The following CBL variants were observed in gnomAD, a reference collection of about 807,000 sequenced individuals.
CBL encodes Cbl proto-oncogene, also known as E3 ubiquitin-protein ligase CBL.
In CBL, 45 loss-of-function variants were observed where a neutral mutation model predicts 96.9. The ratio of observed to expected loss-of-function variants is 0.46; its 90% CI spans 0.37 to 0.60. The LOEUF (loss-of-function observed/expected upper bound fraction) is 0.60, where lower values mean the gene tolerates loss of function less well. Ranked by LOEUF, CBL falls within the 20% of genes least tolerant of loss-of-function variation. The pLI is 0.00. For synonymous variants in CBL, 420 were observed against 426.8 expected (o/e 0.98, Z 0.20); for missense variants, 1,024 against 1,143.5 (o/e 0.90, Z 1.51).
chr11:119,236,588 C>A (rs1270547179), intron 2 of CBL, among the ~76,000 whole-genome samples: 1 of 119,116 alleles, frequency 8.4e-6, no homozygotes, highest in African/African-American at 3.5e-5. Flanking sequence ...GTTTTCACTT[C>A]TTTTGAGTAT....
intron 2 of CBL, among the ~76,000 whole-genome samples, chr11:119,261,485 T>A (rs1197607570): frequency 6.6e-6 from 1 of 152,200 alleles, no homozygotes; most frequent in Non-Finnish European, 1.5e-5. Flanking sequence ...CTCAGTATAA[T>A]TTGTATCTGT....
At chr11:119,293,751 AAAG>A (rs1950045570) in intron 12 of CBL, among the ~76,000 whole-genome samples, 1 of 152,194 alleles carries the variant, frequency 6.6e-6, no homozygotes, top group Admixed American at 6.5e-5. Context: ...TCTATAAAGA[AAAG>A]AAGTTTATTT....
At chr11:119,267,475 G>T (rs1321264710) in intron 2 of CBL, among the ~76,000 whole-genome samples, 2 of 152,128 alleles carry the variant, frequency 1.3e-5, no homozygotes, top group Non-Finnish European at 2.9e-5. Flanking sequence ...AAGAGCCAAA[G>T]ATAACCAGCA....
rs115480973 is a variant in CBL at position 119,288,250 on chromosome 11, A to G, written c.2036+304A>G. On this transcript the variant is annotated intron_variant, in intron 12 of 15. Coordinates refer to ENST00000264033, the MANE Select transcript of CBL (RefSeq NM_005188.4). ...ATTCTTCCAGCTTTCTTTAAGTTTAATTTGCTGTTTTCCTAGCTTCATGAA... is the reference window on the plus strand; with the variant it reads ...ATTCTTCCAGCTTTCTTTAAGTTTAGTTTGCTGTTTTCCTAGCTTCATGAA... 5.9e-3 allele frequency among the ~76,000 whole-genome samples: 891 copies of G among 152,102 alleles called. 8 individuals carry two copies. Among genetic ancestry groups the G allele is most frequent in the African/African-American group, 0.02 (831 of 41,474 alleles).
At position 119,300,908 on chromosome 11, in the gene CBL, G is replaced by A; in HGVS notation, c.*1127G>A. The A allele has an allele frequency of 3.9e-6, 1 of 259,402 alleles. No homozygotes were observed. Among genetic ancestry groups the A allele is most frequent in the Non-Finnish European group, 7.3e-6 (1 of 136,132 alleles). The allele number at this position is 259,402 out of a possible 1,614,324, so 16.1% of individuals were successfully genotyped here. A position where few individuals can be genotyped will look rare whatever the true frequency, so the allele number is the denominator to read the frequency against. On this transcript the variant is annotated 3_prime_UTR_variant, in exon 16 of 16. Transcript: ENST00000264033. ...CAAAATAGACAGTAAGGATTTATCTGTTCAGTTTTTCTTCCCAGTGAATTA... is the reference window on the plus strand; with the variant it reads ...CAAAATAGACAGTAAGGATTTATCTATTCAGTTTTTCTTCCCAGTGAATTA...
In CBL at chr11:119,284,971, G is replaced by A; in HGVS notation, c.1434G>A (p.Val478=). 1 of 1,614,074 alleles carries A rather than the reference G, an allele frequency of 6.2e-7. No individual in the cohort carries two copies. The highest frequency in any genetic ancestry group is 8.5e-7 in the Non-Finnish European group (1 of 1,180,008). The change falls in exon 10 of 16, where the codon GTG becomes GTA. Residue 478 remains valine (V), a splice_region_variant and synonymous_variant. Transcript: ENST00000264033. ...GTTAAATTTTTTATGTACCCTAGGTGGAACGGCCGCCTTCTCCATTCTCCA... is the reference window on the plus strand; with the variant it reads ...GTTAAATTTTTTATGTACCCTAGGTAGAACGGCCGCCTTCTCCATTCTCCA... ...FMMKELAGAK[V]ERPPSPFSMA...
In CBL at chr11:119,225,700, G is replaced by A. The variant is rs192001123; in HGVS notation, c.196-6748G>A. Reference sequence around the variant, plus strand: ...TCTGGGATTACAGATGTAAGACACCGTATCCAGCCAATATAAATATTTTCT... The same window carrying A: ...TCTGGGATTACAGATGTAAGACACCATATCCAGCCAATATAAATATTTTCT... On this transcript the variant is annotated intron_variant, in intron 1 of 15. Coordinates refer to ENST00000264033, the MANE Select transcript of CBL (RefSeq NM_005188.4). 5.9e-4 allele frequency among the ~76,000 whole-genome samples: 87 copies of A among 147,834 alleles called. 1 individual carries two copies. The East Asian group carries it at 0.013, about 22-fold the overall frequency.
At position 119,214,068 on chromosome 11, in the gene CBL, C is replaced by T. The variant is rs896059914; in HGVS notation, c.195+7456C>T. On this transcript the variant is annotated intron_variant, in intron 1 of 15. Coordinates refer to ENST00000264033, the MANE Select transcript of CBL (RefSeq NM_005188.4). The stretch of plus-strand genomic sequence containing the variant: ...CAGGCAATTTTGTTGCCTCAGCCTC[C>T]TGAGTAGCTGGGACTACAGGTGTGT... Among the ~76,000 whole-genome samples the T allele has an allele frequency of 2.6e-5, 4 of 152,152 alleles. No homozygotes were observed. The East Asian group carries it at 7.7e-4, about 29-fold the overall frequency.
intron 5 of CBL, 98 bp downstream of exon 5, chr11:119,275,051 T>C (rs1949878079): frequency 7.8e-7 from 1 of 1,278,704 alleles, no homozygotes; most frequent in Non-Finnish European, 1.1e-6. Flanking sequence ...AGTTTCGCAA[T>C]AGCCAAGGTT....
At chr11:119,299,362 C>A (rs1950084009) in intron 15 of CBL, 133 bp from the exon 16 acceptor site, 2 of 796,836 alleles carry the variant, frequency 2.5e-6, no homozygotes, top group African/African-American at 1.7e-5. Context: ...TAAAACCCAG[C>A]CTTGTGACTG....
intron 2 of CBL, among the ~76,000 whole-genome samples, chr11:119,238,223 A>ATT (rs1462334985): frequency 7.8e-6 from 1 of 128,462 alleles, no homozygotes. Flanking sequence ...CCCAAATACA[A>ATT]TTTTTTTTTT....
intron 12 of CBL, among the ~76,000 whole-genome samples, chr11:119,296,278 G>T (rs890395974): frequency 6.6e-6 from 1 of 152,146 alleles, no homozygotes; most frequent in East Asian, 1.9e-4. Flanking sequence ...CTACAATTTA[G>T]TGGGGTGTTT....
chr11:119,298,098 G>T (rs1476826228), intron 14 of CBL, among the ~76,000 whole-genome samples: 1 of 152,216 alleles, frequency 6.6e-6, no homozygotes, highest in Non-Finnish European at 1.5e-5. Context: ...GATGACACTG[G>T]AGTCATTGGC....
chr11:119,292,716 G>A (rs554582893), intron 12 of CBL, among the ~76,000 whole-genome samples: 3 of 152,134 alleles, frequency 2.0e-5, no homozygotes, highest in Admixed American at 6.5e-5. Flanking sequence ...CACTGCGCCC[G>A]GCCTATTTTC....
chr11:119,238,194 A>G (rs1310626128), intron 2 of CBL, among the ~76,000 whole-genome samples: 1 of 147,236 alleles, frequency 6.8e-6, no homozygotes, highest in East Asian at 2.1e-4. Flanking sequence ...TGAATTTAGA[A>G]TCAGCCTGTC....
intron 7 of CBL, 96 bp downstream of exon 7, chr11:119,277,940 T>C: frequency 1.0e-6 from 1 of 962,858 alleles, no homozygotes; most frequent in Non-Finnish European, 1.7e-6. Flanking sequence ...TTGGAACCCA[T>C]TGACTAGATT....
At position 119,299,712 on chromosome 11, in the gene CBL, C is replaced by T. The variant is rs879302360; in HGVS notation, c.2652C>T (p.Asn884=). The T allele has an allele frequency of 6.2e-6, 10 of 1,614,096 alleles. No individual in the cohort carries two copies. In the Middle Eastern group the frequency reaches 6.6e-4, roughly 106 times the overall value. The change falls in exon 16 of 16, where the codon AAC becomes AAT. Residue 884 remains asparagine, a synonymous_variant. Coordinates refer to ENST00000264033, the MANE Select transcript of CBL (RefSeq NM_005188.4). ...IQKALVIAQN[N]IEMAKNILRE... is the part of the protein sequence containing the mutation. ...AAGCTTTGGTCATTGCCCAGAACAA[C>T]ATCGAGATGGCCAAAAACATCCTCC...
chr11:119,262,528 T>G (rs1426237868), intron 2 of CBL, among the ~76,000 whole-genome samples: 1 of 152,200 alleles, frequency 6.6e-6, no homozygotes, highest in African/African-American at 2.4e-5. Flanking sequence ...CTTTATAACT[T>G]TTCTGTAGAT....
At chr11:119,275,792 G>A (rs1949885234) in intron 5 of CBL, among the ~76,000 whole-genome samples, 1 of 152,050 alleles carries the variant, frequency 6.6e-6, no homozygotes, top group Non-Finnish European at 1.5e-5. Flanking sequence ...AACCCAGGAG[G>A]TGGAGGCTGC....
Sources: allele counts gnomAD v4.1 joint callset (sites outside exome capture counted in the v4.1 genomes callset), GRCh38; gene constraint gnomAD v4.1.1; transcripts MANE v1.5; gene names NCBI Gene and HGNC (gene_info 2026-07-23, HGNC 2026-07-21).